Variants in SLAMF9 observed in about 807,000 individuals in gnomAD.
The protein encoded by SLAMF9 is CD2 family member 10.
A neutral mutation model predicts 30.4 loss-of-function variants in SLAMF9; 25 were observed. The ratio of observed to expected loss-of-function variants is 0.82; its 90% CI spans 0.60 to 1.15. The LOEUF is 1.15. Ranked by LOEUF, SLAMF9 falls within the 50% of genes most tolerant of loss-of-function variation. The pLI, the probability that SLAMF9 is intolerant of heterozygous loss-of-function variation, is 0.00. For synonymous variants in SLAMF9, 129 were observed against 127.2 expected, an observed-to-expected ratio of 1.01 and a Z score of -0.09; for missense variants, 344 against 346.1, an observed-to-expected ratio of 0.99 and a Z score of 0.05.
the SLAMF9 span, among the ~76,000 whole-genome samples, chr1:159,966,759 C>A: frequency 6.6e-6 from 1 of 152,006 alleles, no homozygotes; most frequent in Non-Finnish European, 1.5e-5. Flanking sequence ...CATTTGTATG[C>A]CTTCTTTTGA....
At position 159,951,681 on chromosome 1, in the gene SLAMF9, G is replaced by T; in HGVS notation, c.850C>A (p.Pro284Thr). ...AGCAGTCAGGCAGGGCTGGAGCCAGGCTTTGCCTCCTTCCTCAATTTCATT... is the reference window on the plus strand; with the variant it reads ...AGCAGTCAGGCAGGGCTGGAGCCAGTCTTTGCCTCCTTCCTCAATTTCATT... Reference protein sequence around the residue: ...NRMKLRKEAKPGSSPA With the variant: ...NRMKLRKEAKTGSSPA The change falls in exon 4 of 4, where the codon CCT (proline) becomes ACT (threonine). Residue 284 changes from proline (P) to threonine (T), a missense_variant. Transcript: ENST00000368093. The T allele has an allele frequency of 1.2e-6, 2 of 1,614,122 alleles. No individual in the cohort carries two copies. The highest frequency in any genetic ancestry group is 1.3e-5 in the African/African-American group (1 of 75,054).
At chr1:159,968,524 G>A in the SLAMF9 span, among the ~76,000 whole-genome samples, 8 of 152,136 alleles carry the variant, frequency 5.3e-5, no homozygotes, top group African/African-American at 7.2e-5. Flanking sequence ...CAGTTACAAT[G>A]GTTTTGTGGC....
the SLAMF9 span, among the ~76,000 whole-genome samples, chr1:159,980,338 G>A: frequency 1.3e-5 from 2 of 151,938 alleles, no homozygotes; most frequent in African/African-American, 4.8e-5. Context: ...CACATCCCCC[G>A]ACGCCCTCCA....
chr1:159,952,121 C>G, intron 3 of SLAMF9, 141 bp downstream of exon 3: 2 of 1,014,742 alleles, frequency 2.0e-6, no homozygotes, highest in Non-Finnish European at 2.9e-6. Flanking sequence ...GGTCTCCTCT[C>G]CAATCCAGGT....
At chr1:159,969,078 T>G in the SLAMF9 span, among the ~76,000 whole-genome samples, 1 of 151,898 alleles carries the variant, frequency 6.6e-6, no homozygotes. Flanking sequence ...GGGAAGAGCT[T>G]GGGGATTCCC....
chr1:159,963,175 G>A, the SLAMF9 span, among the ~76,000 whole-genome samples: 1 of 152,196 alleles, frequency 6.6e-6, no homozygotes. Flanking sequence ...ATTCGGCATG[G>A]AGTTGGCACA....
At chr1:159,964,297 TC>T in the SLAMF9 span, among the ~76,000 whole-genome samples, 4 of 152,052 alleles carry the variant, frequency 2.6e-5, no homozygotes, top group Non-Finnish European at 5.9e-5. Flanking sequence ...AGGGTTTCTT[TC>T]CCCCTAAGTA....
the SLAMF9 span, chr1:159,973,670 C>A: frequency 0.012 from 9,432 of 797,102 alleles, 306 homozygotes; most frequent in East Asian, 0.085. Context: ...AACCTCGGGT[C>A]CCCACACATT....
the SLAMF9 span, among the ~76,000 whole-genome samples, chr1:159,961,759 C>T: frequency 3.3e-5 from 5 of 152,214 alleles, no homozygotes; most frequent in African/African-American, 7.2e-5. Context: ...CAGGCAGGGC[C>T]GAGAGATGGA....
chr1:159,981,245 C>T, the SLAMF9 span, among the ~76,000 whole-genome samples: 117 of 152,186 alleles, frequency 7.7e-4, no homozygotes, highest in African/African-American at 2.5e-3. Flanking sequence ...GAAGACTGTG[C>T]GGAGACACAA....
At chr1:159,966,296 A>G in the SLAMF9 span, among the ~76,000 whole-genome samples, 1 of 152,232 alleles carries the variant, frequency 6.6e-6, no homozygotes, top group Non-Finnish European at 1.5e-5. Flanking sequence ...CATTCTTTCT[A>G]AAGGCTGATT....
At chr1:159,961,900 T>C in the SLAMF9 span, among the ~76,000 whole-genome samples, 617 of 152,094 alleles carry the variant, frequency 4.1e-3, 9 homozygotes, top group African/African-American at 0.014. Flanking sequence ...GGCTCATGCC[T>C]ATAATCCCAG....
chr1:159,951,656 A>C lies in SLAMF9; in HGVS notation c.*5T>G. On this transcript the variant is annotated 3_prime_UTR_variant, in exon 4 of 4. Transcript: ENST00000368093. ...AAGCTCAGGACTGGGGTTCCCAAGG[A>C]GCAGTCAGGCAGGGCTGGAGCCAGG... is the stretch of plus-strand genomic sequence containing the variant. 6.2e-7 allele frequency: 1 copy of C among 1,613,674 alleles called. No homozygotes were observed. Among genetic ancestry groups the C allele is most frequent in the Non-Finnish European group, 8.5e-7 (1 of 1,179,902 alleles).
chr1:159,977,636 A>C, the SLAMF9 span, among the ~76,000 whole-genome samples: 1 of 152,336 alleles, frequency 6.6e-6, no homozygotes. Context: ...GCGGAACGTG[A>C]CCAGGCATAG....
the SLAMF9 span, among the ~76,000 whole-genome samples, chr1:159,963,233 T>C: frequency 3.9e-5 from 6 of 152,194 alleles, no homozygotes; most frequent in African/African-American, 1.4e-4. Flanking sequence ...TGAAGGTTGG[T>C]TAAGCATAAA....
upstream of SLAMF9, among the ~76,000 whole-genome samples, chr1:159,958,042 C>T (rs978015164): frequency 1.3e-5 from 2 of 152,186 alleles, no homozygotes; most frequent in Non-Finnish European, 2.9e-5. Context: ...GCTCTGGCAC[C>T]GACTGCCCGT....
the SLAMF9 span, among the ~76,000 whole-genome samples, chr1:159,966,845 C>T: frequency 6.6e-6 from 1 of 152,228 alleles, no homozygotes; most frequent in South Asian, 2.1e-4. Context: ...TTGGATTCCT[C>T]ATATATTTTG....
At chr1:159,956,208 A>G (rs1002219676), upstream of SLAMF9, among the ~76,000 whole-genome samples, 1 of 152,246 alleles carries the variant, frequency 6.6e-6, no homozygotes, top group Non-Finnish European at 1.5e-5. Flanking sequence ...GCTCATGCCT[A>G]TGATCCTAGC....
At chr1:159,956,496 GAACCAGCAAAACTT>G (rs1391480719), upstream of SLAMF9, among the ~76,000 whole-genome samples, 1 of 151,702 alleles carries the variant, frequency 6.6e-6, no homozygotes, top group Non-Finnish European at 1.5e-5. Context: ...AAGAGAGAGG[GAACCAGCAAAACTT>G]AACCAGCAAA....
Sources: allele counts gnomAD v4.1 joint callset (sites outside exome capture counted in the v4.1 genomes callset), GRCh38; gene constraint gnomAD v4.1.1; transcripts MANE v1.5; gene names NCBI Gene and HGNC (gene_info 2026-07-23, HGNC 2026-07-21).